The following L3MBTL4 variants were observed in gnomAD, a reference collection of about 807,000 sequenced individuals.
L3MBTL4 encodes L3MBTL histone methyl-lysine binding protein 4.
L3MBTL4 carries 70 observed loss-of-function variants against 84.5 expected under a neutral mutation model. The ratio of observed to expected loss-of-function variants is 0.83; its 90% CI spans 0.68 to 1.01. The LOEUF is 1.01. Ranked by LOEUF, L3MBTL4 falls within the 50% of genes least tolerant of loss-of-function variation. The pLI is 0.00. For synonymous variants in L3MBTL4, 274 were observed against 259.8 expected, an observed-to-expected ratio of 1.05 and a Z score of -0.52; for missense variants, 715 against 754.8, an observed-to-expected ratio of 0.95 and a Z score of 0.62.
At chr18:6,344,840 A>G (rs1158358852) in intron 1 of L3MBTL4, among the ~76,000 whole-genome samples, 1 of 152,108 alleles carries the variant, frequency 6.6e-6, no homozygotes, top group Non-Finnish European at 1.5e-5. Context: ...AAAACTCTCA[A>G]CAAATTAGGT....
intron 14 of L3MBTL4, among the ~76,000 whole-genome samples, chr18:6,120,767 A>G (rs2059497031): frequency 6.6e-6 from 1 of 152,102 alleles, no homozygotes; most frequent in African/African-American, 2.4e-5. Flanking sequence ...TGAGCTTTAC[A>G]CCTGTGAGCT....
chr18:6,286,513 A>G (rs1031842433), intron 4 of L3MBTL4, among the ~76,000 whole-genome samples: 3 of 151,708 alleles, frequency 2.0e-5, no homozygotes, highest in African/African-American at 7.2e-5. Flanking sequence ...TAATAAAAAA[A>G]TAAAACCTCT....
intron 10 of L3MBTL4, among the ~76,000 whole-genome samples, chr18:6,222,115 G>A (rs189340521): frequency 1.2e-4 from 19 of 152,214 alleles, no homozygotes; most frequent in Non-Finnish European, 2.8e-4. Flanking sequence ...TCACATTTAC[G>A]GTGCCTTAGA....
chr18:6,334,471 T>C (rs2052224230), intron 1 of L3MBTL4, among the ~76,000 whole-genome samples: 1 of 152,228 alleles, frequency 6.6e-6, no homozygotes, highest in African/African-American at 2.4e-5. Context: ...AAGTCTAGTT[T>C]ATTAAACTAA....
intron 14 of L3MBTL4, among the ~76,000 whole-genome samples, chr18:6,125,233 C>A (rs1355490835): frequency 2.0e-5 from 3 of 151,980 alleles, no homozygotes; most frequent in African/African-American, 7.2e-5. Flanking sequence ...CCTCCTTTGT[C>A]CTACCACTAG....
intron 3 of L3MBTL4, among the ~76,000 whole-genome samples, chr18:6,308,738 G>C (rs995832569): frequency 5.9e-5 from 9 of 152,076 alleles, no homozygotes; most frequent in Admixed American, 5.9e-4. Flanking sequence ...TAAAAGGTTT[G>C]GAATTTTTAG....
At chr18:6,025,679 G>A (rs1390715790) in intron 16 of L3MBTL4, among the ~76,000 whole-genome samples, 2 of 152,182 alleles carry the variant, frequency 1.3e-5, no homozygotes, top group East Asian at 1.9e-4. Flanking sequence ...GGGCTTGGGC[G>A]AGGGGTGGTT....
At chr18:6,180,440 A>G (rs2044418642) in intron 12 of L3MBTL4, among the ~76,000 whole-genome samples, 1 of 151,912 alleles carries the variant, frequency 6.6e-6, no homozygotes, top group African/African-American at 2.4e-5. Context: ...GTTCCTTACC[A>G]CTGCTTCCAC....
chr18:5,986,807 T>C (rs1227469292), intron 16 of L3MBTL4, among the ~76,000 whole-genome samples: 3 of 152,254 alleles, frequency 2.0e-5, no homozygotes, highest in Admixed American at 2.0e-4. Context: ...GTGCCTTTGC[T>C]GTGAAACTTC....
At chr18:6,123,912 T>C (rs1283599361) in intron 14 of L3MBTL4, among the ~76,000 whole-genome samples, 2 of 152,232 alleles carry the variant, frequency 1.3e-5, no homozygotes, top group East Asian at 3.9e-4. Flanking sequence ...GTGATGTTTA[T>C]GTGTTGGGAT....
At chr18:6,277,227 T>C (rs1832378658) in intron 4 of L3MBTL4, among the ~76,000 whole-genome samples, 1 of 151,936 alleles carries the variant, frequency 6.6e-6, no homozygotes, top group Admixed American at 6.6e-5. Flanking sequence ...GCATGGCACA[T>C]GTATACATAT....
chr18:5,967,745 GC>G (rs1352081738), intron 17 of L3MBTL4, among the ~76,000 whole-genome samples: 1 of 152,248 alleles, frequency 6.6e-6, no homozygotes, highest in Non-Finnish European at 1.5e-5. Flanking sequence ...GCCCCAGGCT[GC>G]TGCTGGCAGT....
At chr18:6,259,632 G>A (rs1342102501) in intron 5 of L3MBTL4, 2 of 150,750 alleles carry the variant, frequency 1.3e-5, no homozygotes, top group African/African-American at 4.9e-5. Flanking sequence ...ATTTTTAATG[G>A]GTTAATTGGT....
In L3MBTL4 at chr18:6,393,401, C is replaced by A. The variant is rs565758427; in HGVS notation, c.-91+21400G>T. On this transcript the variant is annotated intron_variant, in intron 1 of 18. Coordinates refer to ENST00000317931, the MANE Select transcript of L3MBTL4 (RefSeq NM_001330559.2). ...CTCACAGGGAGCATGAGTGGTGACACAGGGAGAGGATCAGGAATAAGCTTG... is the reference window on the plus strand; with the variant it reads ...CTCACAGGGAGCATGAGTGGTGACAAAGGGAGAGGATCAGGAATAAGCTTG... Among the ~76,000 whole-genome samples, 4 of 152,260 alleles carry A rather than the reference C, an allele frequency of 2.6e-5. 1 individual carries two copies. In the South Asian group the frequency reaches 8.3e-4, roughly 32 times the overall value.
At chr18:6,110,563 T>C (rs1349164925) in intron 14 of L3MBTL4, among the ~76,000 whole-genome samples, 11 of 126,336 alleles carry the variant, frequency 8.7e-5, no homozygotes, top group African/African-American at 3.3e-4. Flanking sequence ...GTGGTGTGTG[T>C]ATGTGGGTGT....
At chr18:6,028,751 C>T (rs1337982888) in intron 16 of L3MBTL4, among the ~76,000 whole-genome samples, 2 of 152,180 alleles carry the variant, frequency 1.3e-5, no homozygotes, top group Admixed American at 6.5e-5. Context: ...AGGTCCTTCA[C>T]AACTTGTATT....
In L3MBTL4 at chr18:5,969,551, C is replaced by T; in HGVS notation, c.1456G>A (p.Glu486Lys). The change falls in exon 17 of 19, where the codon GAG becomes AAG. Residue 486 changes from glutamate (E) to lysine (K), a missense_variant. Physicochemically the swap from Glu to Lys is moderately conservative, Grantham distance 56. Coordinates refer to ENST00000317931, the MANE Select transcript of L3MBTL4 (RefSeq NM_001330559.2). ...TGGTGAAGCACCTGCTGCGCCTGCTCCACCGAGTATTCTGTAAGAGAGGTG... is the reference window on the plus strand; with the variant it reads ...TGGTGAAGCACCTGCTGCGCCTGCTTCACCGAGTATTCTGTAAGAGAGGTG... Reference protein sequence around the residue: ...LDNLFREYSVEQAQQVLHQSV... With the variant: ...LDNLFREYSVKQAQQVLHQSV... 1.9e-6 allele frequency: 3 copies of T among 1,604,448 alleles called. No individual in the cohort carries two copies. The highest frequency in any genetic ancestry group is 2.6e-6 in the Non-Finnish European group (3 of 1,174,806).
intron 10 of L3MBTL4, among the ~76,000 whole-genome samples, chr18:6,232,806 AT>A (rs984639033): frequency 1.6e-4 from 24 of 152,086 alleles, no homozygotes; most frequent in African/African-American, 4.8e-4. Context: ...AATACTTAAA[AT>A]TTTTTTCCAT....
At chr18:6,241,296 T>C in intron 8 of L3MBTL4, 62 bp downstream of exon 8, 2 of 943,120 alleles carry the variant, frequency 2.1e-6, no homozygotes, top group African/African-American at 1.7e-5. Context: ...GAATATATAG[T>C]GAATTTTAAG....
Sources: allele counts gnomAD v4.1 joint callset (sites outside exome capture counted in the v4.1 genomes callset), GRCh38; gene constraint gnomAD v4.1.1; transcripts MANE v1.5; gene names NCBI Gene and HGNC (gene_info 2026-07-23, HGNC 2026-07-21).